UBP1: variants seen among roughly 807,000 people sequenced by gnomAD.
UBP1 encodes the protein upstream-binding protein 1.
A neutral mutation model predicts 76.1 loss-of-function variants in UBP1; 22 were observed. The observed-to-expected ratio is 0.29, with a 90% CI of 0.21 to 0.41. The LOEUF is 0.41. Among genes scored for constraint, UBP1 ranks in the 10% least tolerant of loss-of-function variants. The pLI is 1.00. For synonymous variants in UBP1, 224 were observed against 237.1 expected (o/e 0.94, Z 0.51); for missense variants, 436 against 668.1 (o/e 0.65, Z 3.83).
chr3:33,440,924 C>G (rs1045237181), upstream of UBP1: 1 of 152,284 alleles, frequency 6.6e-6, no homozygotes, highest in Admixed American at 6.5e-5. Flanking sequence ...TGCACCCCAT[C>G]TGGTGACAGA....
At chr3:33,407,480 A>T (rs987181969) in intron 8 of UBP1, among the ~76,000 whole-genome samples, 9 of 151,966 alleles carry the variant, frequency 5.9e-5, no homozygotes, top group Non-Finnish European at 1.2e-4. Context: ...TAAAAACAAA[A>T]TTGCTGGGGC....
intron 11 of UBP1, among the ~76,000 whole-genome samples, chr3:33,398,707 A>G (rs1292191182): frequency 6.6e-6 from 1 of 152,236 alleles, no homozygotes; most frequent in South Asian, 2.1e-4. Flanking sequence ...CACTGCTCAC[A>G]GCGAAAGGGA....
rs1575445117 is a variant in UBP1 at position 33,393,104 on chromosome 3, A to G, written c.1533+208T>C. The G allele has an allele frequency of 1.1e-5, 6 of 534,746 alleles. No homozygotes were observed. The East Asian group carries it at 2.0e-4, about 18-fold the overall frequency. 33.1% of individuals were successfully genotyped at this position (534,746 alleles called of 1,614,324 possible). A position where few individuals can be genotyped will look rare whatever the true frequency, so the allele number is the denominator to read the frequency against. On this transcript the variant is annotated intron_variant, in intron 14 of 15. Transcript: ENST00000283629. Reference sequence around the variant, plus strand: ...ATCCTAAAGGGCTGGGGGGAGGCTAAGCCAGTTTTCCTTGGCTTGTATTCC... The same window carrying G: ...ATCCTAAAGGGCTGGGGGGAGGCTAGGCCAGTTTTCCTTGGCTTGTATTCC...
At chr3:33,404,276 G>C (rs1358302979) in intron 8 of UBP1, among the ~76,000 whole-genome samples, 1 of 152,086 alleles carries the variant, frequency 6.6e-6, no homozygotes, top group African/African-American at 2.4e-5. Context: ...GCTGGGCGTA[G>C]TGGCGTGTGC....
At chr3:33,405,553 T>C (rs2044396634) in intron 8 of UBP1, among the ~76,000 whole-genome samples, 1 of 152,186 alleles carries the variant, frequency 6.6e-6, no homozygotes. Context: ...AGGCCAGGTA[T>C]GGTGGCTCAT....
At chr3:33,427,966 T>TG in intron 1 of UBP1, among the ~76,000 whole-genome samples, 1 of 152,120 alleles carries the variant, frequency 6.6e-6, no homozygotes, top group East Asian at 1.9e-4. Context: ...CTGAGGTGGG[T>TG]GATCACCTGA....
chr3:33,398,743 G>C (rs1291560588), intron 11 of UBP1, among the ~76,000 whole-genome samples: 1 of 152,204 alleles, frequency 6.6e-6, no homozygotes, highest in South Asian at 2.1e-4. Flanking sequence ...TAGAAACATG[G>C]ATTTGCCTGA....
At chr3:33,408,332 G>C (rs2044483823) in intron 8 of UBP1, among the ~76,000 whole-genome samples, 1 of 152,078 alleles carries the variant, frequency 6.6e-6, no homozygotes, top group Admixed American at 6.6e-5. Context: ...ATTTACTAAA[G>C]AAAGTATTTT....
At chr3:33,390,531 C>T in intron 15 of UBP1, 163 bp from the exon 16 acceptor site, 1 of 719,656 alleles carries the variant, frequency 1.4e-6, no homozygotes. Flanking sequence ...CTCCTCTTCC[C>T]CCAAAAAACT....
Position 33,439,719 on chromosome 3 carries a change from C to A in UBP1, c.113+17G>T. On this transcript the variant is annotated intron_variant, in intron 1 of 15. Coordinates refer to ENST00000283629, the MANE Select transcript of UBP1 (RefSeq NM_014517.5). ...CCAAGGAGACAGAGGCTTCTCCCCG[C>A]CCAGGGAGCCCAGTACCTCATGCTG... The A allele has an allele frequency of 6.2e-7, 1 of 1,609,656 alleles. No individual in the cohort carries two copies. The highest frequency in any genetic ancestry group is 8.5e-7 in the Non-Finnish European group (1 of 1,178,192).
chr3:33,391,846 C>A (rs910319280), intron 15 of UBP1: 1 of 152,294 alleles, frequency 6.6e-6, no homozygotes, highest in African/African-American at 2.4e-5. Flanking sequence ...TCAGTGACAA[C>A]CCAATGCATT....
At chr3:33,432,355 A>G (rs76284211) in intron 1 of UBP1, among the ~76,000 whole-genome samples, 11,664 of 152,246 alleles carry the variant, frequency 0.077, 517 homozygotes, top group East Asian at 0.099. Context: ...AAAGTTTTTT[A>G]ATTTAAAAAA....
At chr3:33,416,995 T>C (rs1041240374) in intron 2 of UBP1, among the ~76,000 whole-genome samples, 161 bp from the exon 3 acceptor site, 1 of 152,208 alleles carries the variant, frequency 6.6e-6, no homozygotes, top group Non-Finnish European at 1.5e-5. Flanking sequence ...TCCCTGAAAA[T>C]CACACCAACC....
intron 3 of UBP1, among the ~76,000 whole-genome samples, chr3:33,414,450 C>T (rs534381267): frequency 1.1e-4 from 16 of 152,140 alleles, no homozygotes; most frequent in African/African-American, 3.4e-4. Flanking sequence ...CAAAAAAAGA[C>T]GAAAACAGAA....
intron 2 of UBP1, among the ~76,000 whole-genome samples, chr3:33,423,677 C>CA: frequency 6.6e-6 from 1 of 152,152 alleles, no homozygotes; most frequent in African/African-American, 2.4e-5. Context: ...TGTAATACTT[C>CA]AAAAAAATTT....
chr3:33,403,109 A>C, intron 8 of UBP1: 1 of 508,284 alleles, frequency 2.0e-6, no homozygotes, highest in East Asian at 3.8e-5. Context: ...GACACTGATT[A>C]ATCTTAGAGA....
At chr3:33,435,256 C>T (rs982850515) in intron 1 of UBP1, among the ~76,000 whole-genome samples, 1 of 151,988 alleles carries the variant, frequency 6.6e-6, no homozygotes, top group African/African-American at 2.4e-5. Flanking sequence ...ATAGAAATTG[C>T]TTCATGAAAA....
At chr3:33,393,535 G>C in intron 13 of UBP1, 81 bp from the exon 14 acceptor site, 1 of 1,388,358 alleles carries the variant, frequency 7.2e-7, no homozygotes, top group Non-Finnish European at 9.6e-7. Context: ...GGATCTGTAC[G>C]AAGGTCACAC....
intron 7 of UBP1, 104 bp downstream of exon 7, chr3:33,409,132 G>T: frequency 1.8e-6 from 2 of 1,091,524 alleles, no homozygotes; most frequent in Non-Finnish European, 2.7e-6. Context: ...ATGTCAAACT[G>T]CCACCCAATC....
Sources: gnomAD v4.1 joint callset for allele counts (sites outside exome capture counted in the v4.1 genomes callset) on GRCh38, gnomAD v4.1.1 for gene constraint, MANE v1.5 for transcripts, NCBI Gene and HGNC (gene_info 2026-07-23, HGNC 2026-07-21) for gene names.